MAP4K3: variants seen among roughly 807,000 people sequenced by gnomAD.
MAP4K3 encodes mitogen-activated protein kinase kinase kinase kinase 3, also known as MAPK/ERK kinase kinase kinase 3.
A neutral mutation model predicts 143.5 loss-of-function variants in MAP4K3; 94 were observed. The ratio of observed to expected loss-of-function variants is 0.65; its 90% CI spans 0.55 to 0.78. MAP4K3 has a LOEUF of 0.78. Among genes scored for constraint, MAP4K3 ranks in the 30% least tolerant of loss-of-function variants. The pLI is 0.00. For missense variants in MAP4K3, 1,077 were observed against 1,068.1 expected (o/e 1.01, Z -0.12); for synonymous variants, 416 against 347.2 (o/e 1.20, Z -2.20).
chr2:39,332,493 C>G (rs1683714324), intron 7 of MAP4K3, among the ~76,000 whole-genome samples: 1 of 151,984 alleles, frequency 6.6e-6, no homozygotes. Context: ...GTACCAGTAT[C>G]AGTCACTATC....
rs539033486 is a variant in MAP4K3 at position 39,354,858 on chromosome 2, T to A, written c.245+1391A>T. Among the ~76,000 whole-genome samples, 9 of 152,310 alleles carry A rather than the reference T, an allele frequency of 5.9e-5. No individual in the cohort carries two copies. In the South Asian group the frequency reaches 1.9e-3, roughly 32 times the overall value. On this transcript the variant is annotated intron_variant, in intron 3 of 33. Transcript: ENST00000263881. ...AAAAGAGAAGAGAAAAAGTGTTTTGTACCTGGATCATATGAAAATGGGAAC... is the reference window on the plus strand; with the variant it reads ...AAAAGAGAAGAGAAAAAGTGTTTTGAACCTGGATCATATGAAAATGGGAAC...
intron 1 of MAP4K3, among the ~76,000 whole-genome samples, chr2:39,414,793 C>T (rs1667325975): frequency 6.6e-6 from 1 of 151,924 alleles, no homozygotes; most frequent in South Asian, 2.1e-4. Flanking sequence ...AGGAGAATCA[C>T]TTGAACCTGG....
At chr2:39,395,777 C>T (rs890313690) in intron 1 of MAP4K3, among the ~76,000 whole-genome samples, 3 of 152,130 alleles carry the variant, frequency 2.0e-5, no homozygotes, top group Admixed American at 2.0e-4. Flanking sequence ...ATAAAGGGCT[C>T]TGGAAAACAC....
intron 1 of MAP4K3, among the ~76,000 whole-genome samples, chr2:39,429,001 G>T (rs1445274571): frequency 1.5e-5 from 2 of 132,722 alleles, no homozygotes; most frequent in South Asian, 2.6e-4. Context: ...GGAGGCGGAG[G>T]TTGCAGCGAC....
rs1397721417 is a variant in MAP4K3 at position 39,333,580 on chromosome 2, A to G, written c.415-6T>C. The G allele has an allele frequency of 3.2e-6, 5 of 1,576,676 alleles. No homozygotes were observed. Among genetic ancestry groups the G allele is most frequent in the Non-Finnish European group, 4.4e-6 (5 of 1,148,340 alleles). On this transcript the variant is annotated splice_region_variant and splice_polypyrimidine_tract_variant and intron_variant, in intron 6 of 33. Transcript: ENST00000263881. ...GTTAATAGAATGTTAGCTCCCTTCAAAGTAACAATATTTTAGTTAGAGTAG... is the reference window on the plus strand; with the variant it reads ...GTTAATAGAATGTTAGCTCCCTTCAGAGTAACAATATTTTAGTTAGAGTAG...
chr2:39,423,818 T>C (rs1208750106), intron 1 of MAP4K3, among the ~76,000 whole-genome samples: 2 of 152,238 alleles, frequency 1.3e-5, no homozygotes, highest in African/African-American at 2.4e-5. Context: ...AGTGAAACTA[T>C]TCTGTATGAT....
intron 3 of MAP4K3, among the ~76,000 whole-genome samples, chr2:39,350,151 A>C (rs1051309824): frequency 2.0e-5 from 3 of 152,230 alleles, no homozygotes; most frequent in African/African-American, 7.2e-5. Flanking sequence ...ATCTGGCCTT[A>C]AGTGTTGATA....
chr2:39,304,354 T>C (rs1182236943), intron 15 of MAP4K3, among the ~76,000 whole-genome samples: 4 of 152,218 alleles, frequency 2.6e-5, no homozygotes, highest in African/African-American at 9.7e-5. Context: ...GTTTTTACCT[T>C]GGTGCCAACT....
intron 2 of MAP4K3, among the ~76,000 whole-genome samples, chr2:39,377,407 G>A (rs796253336): frequency 6.6e-6 from 1 of 152,020 alleles, no homozygotes; most frequent in African/African-American, 2.4e-5. Context: ...GTGGGAAGGA[G>A]AAAGAGTGGG....
chr2:39,413,627 G>A (rs1287207662), intron 1 of MAP4K3, among the ~76,000 whole-genome samples: 2 of 151,964 alleles, frequency 1.3e-5, no homozygotes, highest in African/African-American at 4.8e-5. Context: ...CCAGGAATAC[G>A]GACTAAATAG....
At chr2:39,346,817 ACC>A (rs1665306533) in intron 3 of MAP4K3, among the ~76,000 whole-genome samples, 1 of 152,158 alleles carries the variant, frequency 6.6e-6, no homozygotes, top group Non-Finnish European at 1.5e-5. Flanking sequence ...ACTTAGAATT[ACC>A]ATTTGGCACT....
intron 3 of MAP4K3, among the ~76,000 whole-genome samples, chr2:39,344,073 G>A (rs1369461661): frequency 6.6e-6 from 1 of 152,048 alleles, no homozygotes; most frequent in Non-Finnish European, 1.5e-5. Context: ...ACCATTCATG[G>A]TACAGAGATG....
intron 26 of MAP4K3, chr2:39,267,452 C>T: frequency 1.9e-6 from 1 of 529,036 alleles, no homozygotes; most frequent in South Asian, 2.2e-5. Context: ...GTGGGCGGAT[C>T]ACAAGGTCAA....
intron 4 of MAP4K3, 41 bp from the exon 5 acceptor site, chr2:39,337,622 G>C (rs116890340): frequency 1.5e-6 from 2 of 1,357,560 alleles, no homozygotes; most frequent in Admixed American, 1.7e-5. Context: ...ATTAGTCAAC[G>C]CATGTTTTTC....
At chr2:39,364,066 G>C (rs1391703901) in intron 2 of MAP4K3, among the ~76,000 whole-genome samples, 5 of 151,062 alleles carry the variant, frequency 3.3e-5, no homozygotes, top group African/African-American at 1.2e-4. Flanking sequence ...CTGTTGATGG[G>C]AATGTAAAAT....
rs183079934 is a variant in MAP4K3, at chr2:39,355,058, G to A, written c.245+1191C>T. 1.4e-4 allele frequency among the ~76,000 whole-genome samples: 21 copies of A among 152,108 alleles called. No individual in the cohort carries two copies. The East Asian group carries it at 3.3e-3, about 24-fold the overall frequency. ...GCCTGGGCAACATAGTGAGATCCCC[G>A]TCTCTATAAAAAATACAAAAATTAG... On this transcript the variant is annotated intron_variant, in intron 3 of 33. Coordinates refer to ENST00000263881, the MANE Select transcript of MAP4K3 (RefSeq NM_003618.4).
chr2:39,340,987 C>T (rs1261842497), intron 4 of MAP4K3, among the ~76,000 whole-genome samples: 1 of 152,016 alleles, frequency 6.6e-6, no homozygotes, highest in African/African-American at 2.4e-5. Context: ...GGAGAGATCG[C>T]AGATTGGGGG....
rs551206273 is a variant in MAP4K3 at position 39,308,809 on chromosome 2, T to G, written c.1056+652A>C. On this transcript the variant is annotated intron_variant, in intron 14 of 33. Transcript: ENST00000263881. ...TCATAAAGTTATAGCAAGCCTTAAA[T>G]GAATGACAAACTTCATTTACTATGT... 2.0e-5 allele frequency among the ~76,000 whole-genome samples: 3 copies of G among 152,280 alleles called. No individual in the cohort carries two copies. In the South Asian group the frequency reaches 6.2e-4, roughly 32 times the overall value.
In MAP4K3 at chr2:39,387,896, T is replaced by A. The variant is rs560051003; in HGVS notation, c.97-9773A>T. On this transcript the variant is annotated intron_variant, in intron 1 of 33. Coordinates refer to ENST00000263881, the MANE Select transcript of MAP4K3 (RefSeq NM_003618.4). ...ACTACCTGGTCCTAATAAAAAAAAATTTTAAAAACAGATTGAGGCTATCAT... is the reference window on the plus strand; with the variant it reads ...ACTACCTGGTCCTAATAAAAAAAAAATTTAAAAACAGATTGAGGCTATCAT... Among the ~76,000 whole-genome samples, 17 of 152,266 alleles carry A rather than the reference T, an allele frequency of 1.1e-4. 1 individual carries two copies. In the East Asian group the frequency reaches 1.2e-3, roughly 10 times the overall value.
Sources: allele counts gnomAD v4.1 joint callset (sites outside exome capture counted in the v4.1 genomes callset), GRCh38; gene constraint gnomAD v4.1.1; transcripts MANE v1.5; gene names NCBI Gene and HGNC (gene_info 2026-07-23, HGNC 2026-07-21).